The following ZNF512B variants were observed in gnomAD, a reference collection of about 807,000 sequenced individuals.
ZNF512B encodes the protein zinc finger protein 512B.
In ZNF512B, 22 loss-of-function variants were observed where a neutral mutation model predicts 87.8. That is an observed-to-expected ratio of 0.25 (90% CI 0.18 to 0.36). The LOEUF is 0.36. Ranked by LOEUF, ZNF512B falls within the 10% of genes least tolerant of loss-of-function variation. The pLI, the probability that ZNF512B is intolerant of heterozygous loss-of-function variation, is 1.00. For synonymous variants in ZNF512B, 524 were observed against 490.9 expected (o/e 1.07, Z -0.89); for missense variants, 1,060 against 1,231.6 (o/e 0.86, Z 2.09).
chr20:63,967,158 C>T (rs1738213449), intron 3 of ZNF512B, among the ~76,000 whole-genome samples, 154 bp from the exon 4 acceptor site: 1 of 152,228 alleles, frequency 6.6e-6, no homozygotes, highest in South Asian at 2.1e-4. Flanking sequence ...AGCCACCTGG[C>T]AGGGGCCATG....
At chr20:63,968,018 C>CCT in intron 1 of ZNF512B, 66 bp from the exon 2 acceptor site, 1 of 1,553,706 alleles carries the variant, frequency 6.4e-7, no homozygotes, top group East Asian at 2.3e-5. Context: ...GTGAGGCTGC[C>CCT]CTGGAGCCCT....
chr20:63,964,162 C>G lies in ZNF512B; in HGVS notation c.1389G>C (p.Gly463=), dbSNP rs778371518. The change falls in exon 8 of 17, where the codon GGG becomes GGC. Residue 463 remains glycine (G), a synonymous_variant. Coordinates refer to ENST00000369888, the MANE Select transcript of ZNF512B (RefSeq NM_020713.3). ...ARVHRSKKQE[G]PGPEDARKKV... The stretch of plus-strand genomic sequence containing the variant: ...TCTTCCGGGCGTCCTCAGGGCCTGG[C>G]CCCTCCTGCTTCTTGGAGCGGTGAA... The G allele has an allele frequency of 4.4e-6, 7 of 1,601,322 alleles. No individual in the cohort carries two copies. The highest frequency in any genetic ancestry group is 6.0e-6 in the Non-Finnish European group (7 of 1,174,886).
Position 63,963,165 on chromosome 20 carries a change from G to A in ZNF512B, c.1898C>T (p.Thr633Ile), listed in dbSNP as rs1293558341. The change falls in exon 12 of 17, where the codon ACC becomes ATC. Residue 633 changes from threonine (T) to isoleucine (I), a missense_variant. By Grantham distance (89) the Thr-to-Ile change is moderately conservative. Coordinates refer to ENST00000369888, the MANE Select transcript of ZNF512B (RefSeq NM_020713.3). ...GGATCGGTACGTCTTGCCACAGTGG[G>A]TGCAGGGGAAGGAGGGGCTGTCCAC... is the stretch of plus-strand genomic sequence containing the variant. ...CEVDSPSFPCTHCGKTYRSKA... is the reference protein window; with the variant it reads ...CEVDSPSFPCIHCGKTYRSKA... 20 of 1,549,778 alleles carry A rather than the reference G, an allele frequency of 1.3e-5. No homozygotes were observed. Among genetic ancestry groups the A allele is most frequent in the Non-Finnish European group, 1.4e-5 (16 of 1,153,330 alleles).
rs758753609 is a variant in ZNF512B at position 63,966,571 on chromosome 20, T to C, written c.604A>G (p.Lys202Glu). 15 of 1,613,860 alleles carry C rather than the reference T, an allele frequency of 9.3e-6. No homozygotes were observed. In the South Asian group the frequency reaches 1.6e-4, roughly 18 times the overall value. Residue 202 changes from lysine to glutamate, a missense_variant, in exon 5 of 17, where the codon AAA becomes GAA. Coordinates refer to ENST00000369888, the MANE Select transcript of ZNF512B (RefSeq NM_020713.3). ...IGVSKPVTIG[K>E]PVGVSKPIGI... ...ATGGGTTTGCTGACACCCACAGGTT[T>C]GCCAATAGTGACAGGTTTGCTCACT...
rs2058713796 is a variant in ZNF512B, at chr20:63,956,710, A to G, written c.*3178T>C. The G allele has an allele frequency of 4.9e-6, 1 of 202,806 alleles. No individual in the cohort carries two copies. The highest frequency in any genetic ancestry group is 1.6e-4 in the South Asian group (1 of 6,230). 12.6% of individuals were successfully genotyped at this position (202,806 alleles called of 1,614,324 possible). A position where few individuals can be genotyped will look rare whatever the true frequency, so the allele number is the denominator to read the frequency against. The stretch of plus-strand genomic sequence containing the variant: ...CTGAGCCGCACAAAAACCCTGGAAA[A>G]AAATCAATAAACATTTATTTGATAC... On this transcript the variant is annotated 3_prime_UTR_variant, in exon 17 of 17. Coordinates refer to ENST00000369888, the MANE Select transcript of ZNF512B (RefSeq NM_020713.3).
Position 63,967,368 on chromosome 20 carries a change from T to G in ZNF512B, c.264+13A>C. 1 of 1,592,618 alleles carries G rather than the reference T, an allele frequency of 6.3e-7. No homozygotes were observed. The stretch of plus-strand genomic sequence containing the variant: ...CCCAGCATGAGCCCCACCATGGCCC[T>G]GAGGGAGCTCACAGGAATGTCTCGG... On this transcript the variant is annotated intron_variant, in intron 3 of 16. Coordinates refer to ENST00000369888, the MANE Select transcript of ZNF512B (RefSeq NM_020713.3).
Position 63,966,514 on chromosome 20 carries a change from G to C in ZNF512B, c.661C>G (p.Pro221Ala), listed in dbSNP as rs1208632810. ...GISKPVSVGRPMPVTKAIPVT... is the reference protein window; with the variant it reads ...GISKPVSVGRAMPVTKAIPVT... ...GGGATGGCCTTGGTGACTGGCATGG[G>C]TCTGCCGACCGAGACTGGCTTGCTG... The change falls in exon 5 of 17, where the codon CCC (proline) becomes GCC (alanine). Residue 221 changes from proline (P) to alanine (A), a missense_variant. Physicochemically the swap from Pro to Ala is conservative, Grantham distance 27. Around this residue, in one of 9 missense-constraint regions of ZNF512B, gnomAD observed 201 missense variants for 226.8 expected, o/e 0.89. Coordinates refer to ENST00000369888, the MANE Select transcript of ZNF512B (RefSeq NM_020713.3). The C allele has an allele frequency of 1.2e-6, 2 of 1,614,040 alleles. No homozygotes were observed. The highest frequency in any genetic ancestry group is 1.1e-5 in the South Asian group (1 of 91,086).
chr20:63,962,908 G>A (rs1601477622), intron 12 of ZNF512B, 127 bp from the exon 13 acceptor site: 25 of 1,263,888 alleles, frequency 2.0e-5, no homozygotes, highest in Admixed American at 8.3e-5. Flanking sequence ...CATGGCTGAC[G>A]CAGGCAACCC....
chr20:63,962,737 C>T lies in ZNF512B; in HGVS notation c.2013G>A (p.Pro671=), dbSNP rs755705136. The change falls in exon 13 of 17, where the codon CCG becomes CCA. Residue 671 remains proline (P), a synonymous_variant. Transcript: ENST00000369888. ...CGCTTGGGGTCCGCTCCACACCCAG[C>T]GGGTCCTCAGCCTCAGGGGACTTGT... ...PTDKSPEAED[P]LGVERTPSGR... 7.5e-6 allele frequency: 12 copies of T among 1,602,532 alleles called. No individual in the cohort carries two copies. Among genetic ancestry groups the T allele is most frequent in the South Asian group, 1.1e-5 (1 of 89,344 alleles).
At chr20:63,962,979 G>A in intron 12 of ZNF512B, 116 bp downstream of exon 12, 3 of 1,361,640 alleles carry the variant, frequency 2.2e-6, no homozygotes, top group South Asian at 1.5e-5. Flanking sequence ...ACAGAGAGGG[G>A]TGGGAAACAC....
chr20:63,966,285 C>G lies in ZNF512B; in HGVS notation c.890G>C (p.Ser297Thr), dbSNP rs1212536862. 4 of 1,612,542 alleles carry G rather than the reference C, an allele frequency of 2.5e-6. No individual in the cohort carries two copies. The highest frequency in any genetic ancestry group is 2.5e-6 in the Non-Finnish European group (3 of 1,179,272). Residue 297 changes from serine to threonine, a missense_variant, in exon 5 of 17, where the codon AGC becomes ACC. By Grantham distance (58) the Ser-to-Thr change is moderately conservative. This residue lies in a region of ZNF512B where 201 missense variants were observed against 226.8 expected (regional missense o/e 0.89). Coordinates refer to ENST00000369888, the MANE Select transcript of ZNF512B (RefSeq NM_020713.3). ...CGGCTTGCTGACCACAATGGGCCTG[C>G]TGACTGTCACTGGCTTGGTGACCGG... ...PVPVTKPVTV[S>T]RPIVVSKPVT... is the part of the protein sequence containing the mutation.
Position 63,964,203 on chromosome 20 carries a change from C to G in ZNF512B, c.1348G>C (p.Glu450Gln). The G allele has an allele frequency of 6.3e-7, 1 of 1,599,864 alleles. No individual in the cohort carries two copies. The highest frequency in any genetic ancestry group is 2.2e-5 in the East Asian group (1 of 44,728). ...TFGLKGLVKAEDKARVHRSKK... is the reference protein window; with the variant it reads ...TFGLKGLVKAQDKARVHRSKK... ...GAGCGGTGAACTCGGGCCTTGTCCT[C>G]AGCTTTGACCAGGCCTGTGTGCACA... The change falls in exon 8 of 17, where the codon GAG (glutamate) becomes CAG (glutamine). Residue 450 changes from glutamate to glutamine, a missense_variant. Around this residue, in one of 9 missense-constraint regions of ZNF512B, gnomAD observed 212 missense variants for 207.6 expected, o/e 1.02. Transcript: ENST00000369888.
In ZNF512B at chr20:63,967,856, G is replaced by A; in HGVS notation, c.95C>T (p.Pro32Leu). Residue 32 changes from proline (P) to leucine (L), a missense_variant, in exon 2 of 17, where the codon CCA (proline) becomes CTA (leucine). Coordinates refer to ENST00000369888, the MANE Select transcript of ZNF512B (RefSeq NM_020713.3). Reference protein sequence around the residue: ...KDGSRKEVRLPMLHDPPKMGM... With the variant: ...KDGSRKEVRLLMLHDPPKMGM... ...CATCTTCGGTGGGTCATGCAGCATTGGAAGTCGGACCTCCTTTCGGCTGCC... is the reference window on the plus strand; with the variant it reads ...CATCTTCGGTGGGTCATGCAGCATTAGAAGTCGGACCTCCTTTCGGCTGCC... The A allele has an allele frequency of 6.2e-7, 1 of 1,613,306 alleles. No homozygotes were observed. The highest frequency in any genetic ancestry group is 2.2e-5 in the East Asian group (1 of 44,878).
In ZNF512B at chr20:63,969,310, C is replaced by A. The variant is rs1344151788; in HGVS notation, c.-3+504G>T. 3 of 441,920 alleles carry A rather than the reference C, an allele frequency of 6.8e-6. No homozygotes were observed. In the East Asian group the frequency reaches 4.7e-4, roughly 69 times the overall value. 27.4% of individuals were successfully genotyped at this position (441,920 alleles called of 1,614,324 possible). On this transcript the variant is annotated intron_variant, in intron 1 of 16. Coordinates refer to ENST00000369888, the MANE Select transcript of ZNF512B (RefSeq NM_020713.3). ...GCCTGGGAGGCAGAGACGCGACTGG[C>A]GCCCCGGATGAGAAGGGGCTTCGGC...
At chr20:63,963,062 A>G in intron 12 of ZNF512B, 33 bp downstream of exon 12, 1 of 1,518,518 alleles carries the variant, frequency 6.6e-7, no homozygotes. Flanking sequence ...ACACAGGAAC[A>G]AGCACTGTGC....
At chr20:63,968,004 C>G in intron 1 of ZNF512B, 52 bp from the exon 2 acceptor site, 1 of 1,568,914 alleles carries the variant, frequency 6.4e-7, no homozygotes, top group Non-Finnish European at 8.7e-7. Flanking sequence ...ACTTGGAACA[C>G]GTGGTGAGGC....
Position 63,959,529 on chromosome 20 carries a change from G to A in ZNF512B, c.*359C>T, listed in dbSNP as rs966702849. ...TGAGCCTTGGGGTAGCCAGGGAAGG[G>A]ACCCGGCAGGGCCTGAGGAAGCGGA... is the stretch of plus-strand genomic sequence containing the variant. On this transcript the variant is annotated 3_prime_UTR_variant, in exon 17 of 17. Coordinates refer to ENST00000369888, the MANE Select transcript of ZNF512B (RefSeq NM_020713.3). 4 of 274,236 alleles carry A rather than the reference G, an allele frequency of 1.5e-5. No individual in the cohort carries two copies. The highest frequency in any genetic ancestry group is 1.4e-5 in the Non-Finnish European group (2 of 147,068). The allele number at this position is 274,236 out of a possible 1,614,324, so 17.0% of individuals were successfully genotyped here.
chr20:63,964,290 C>T (rs1226723282), intron 7 of ZNF512B, 30 bp downstream of exon 7: 24 of 1,613,832 alleles, frequency 1.5e-5, no homozygotes, highest in Non-Finnish European at 2.0e-5. Context: ...AGCCCCAGCC[C>T]TGGAGGTGCA....
At position 63,964,677 on chromosome 20, in the gene ZNF512B, C is replaced by T. The variant is rs768531099; in HGVS notation, c.1074G>A (p.Lys358=). 1 of 1,611,974 alleles carries T rather than the reference C, an allele frequency of 6.2e-7. No homozygotes were observed. ...DSLDTCPIPP[K]QARPENGEYG... The stretch of plus-strand genomic sequence containing the variant: ...ACTCCCCATTCTCTGGCCTGGCCTG[C>T]TTGGGTGGAATTGGGCAGGTGTCCA... Residue 358 remains lysine, a synonymous_variant, in exon 6 of 17, where the codon AAG becomes AAA. Coordinates refer to ENST00000369888, the MANE Select transcript of ZNF512B (RefSeq NM_020713.3).
Sources: allele counts gnomAD v4.1 joint callset (sites outside exome capture counted in the v4.1 genomes callset), GRCh38; gene constraint gnomAD v4.1.1; regional missense constraint gnomAD v4.1.1; transcripts MANE v1.5; gene names NCBI Gene and HGNC (gene_info 2026-07-23, HGNC 2026-07-21).